Variants in DOK6 observed in about 807,000 individuals in gnomAD.
DOK6 encodes the protein docking protein 6.
Under a neutral mutation model 44.0 loss-of-function variants are expected in DOK6, and 22 were observed. That is an observed-to-expected ratio of 0.50 (90% CI 0.36 to 0.71). DOK6 has a LOEUF of 0.71. Ranked by LOEUF, DOK6 falls within the 30% of genes least tolerant of loss-of-function variation. DOK6 has a pLI of 0.00. For synonymous variants in DOK6, 166 were observed against 145.5 expected, an observed-to-expected ratio of 1.14 and a Z score of -1.01; for missense variants, 340 against 416.4, an observed-to-expected ratio of 0.82 and a Z score of 1.60.
At chr18:69,566,076 T>A (rs953665849) in intron 2 of DOK6, among the ~76,000 whole-genome samples, 1 of 152,202 alleles carries the variant, frequency 6.6e-6, no homozygotes, top group Non-Finnish European at 1.5e-5. Context: ...GTTAGTGACA[T>A]ATACTAGTTG....
intron 4 of DOK6, among the ~76,000 whole-genome samples, chr18:69,679,466 T>C (rs1477983825): frequency 1.1e-4 from 16 of 152,212 alleles, no homozygotes; most frequent in Admixed American, 1.0e-3. Flanking sequence ...TAGCTCTTTA[T>C]CTAGCTTCTG....
At chr18:69,773,617 T>C (rs1044154502) in intron 7 of DOK6, among the ~76,000 whole-genome samples, 10 of 152,008 alleles carry the variant, frequency 6.6e-5, no homozygotes, top group Non-Finnish European at 1.3e-4. Flanking sequence ...ATTCAATTTA[T>C]GTGGAGTATA....
At chr18:69,443,927 T>G (rs2122445979) in intron 1 of DOK6, among the ~76,000 whole-genome samples, 1 of 133,574 alleles carries the variant, frequency 7.5e-6, no homozygotes, top group Admixed American at 8.2e-5. Flanking sequence ...ATGCTTGTAC[T>G]TACCACATTC....
intron 7 of DOK6, among the ~76,000 whole-genome samples, chr18:69,837,099 G>T (rs1305875811): frequency 6.6e-6 from 1 of 152,190 alleles, no homozygotes; most frequent in Admixed American, 6.5e-5. Flanking sequence ...TGCTGACCTT[G>T]AGGGGGAGAA....
At chr18:69,684,798 T>G (rs1302192317) in intron 4 of DOK6, among the ~76,000 whole-genome samples, 1 of 152,084 alleles carries the variant, frequency 6.6e-6, no homozygotes, top group Non-Finnish European at 1.5e-5. Context: ...CCAGAGAGAT[T>G]TAAGAAAGTA....
chr18:69,744,338 T>C (rs936634573), intron 6 of DOK6, among the ~76,000 whole-genome samples: 1 of 150,938 alleles, frequency 6.6e-6, no homozygotes, highest in East Asian at 2.0e-4. Flanking sequence ...TAACTGCAAA[T>C]ACAGTTATTA....
At chr18:69,672,046 A>G (rs1985810561) in intron 3 of DOK6, among the ~76,000 whole-genome samples, 1 of 152,226 alleles carries the variant, frequency 6.6e-6, no homozygotes, top group African/African-American at 2.4e-5. Context: ...TGTTATGGAA[A>G]TGTAGAGGAA....
chr18:69,470,495 T>G (rs1383193576), intron 1 of DOK6, among the ~76,000 whole-genome samples: 7 of 152,152 alleles, frequency 4.6e-5, no homozygotes, highest in South Asian at 2.1e-4. Flanking sequence ...CGCACCTGTT[T>G]AGAGCTGAGG....
intron 1 of DOK6, among the ~76,000 whole-genome samples, chr18:69,431,498 AT>A (rs1207198483): frequency 6.6e-6 from 1 of 152,210 alleles, no homozygotes; most frequent in East Asian, 1.9e-4. Flanking sequence ...AACAGTATTC[AT>A]TCATAAAAGA....
chr18:69,432,087 T>C (rs924541480), intron 1 of DOK6, among the ~76,000 whole-genome samples: 1 of 152,314 alleles, frequency 6.6e-6, no homozygotes, highest in Middle Eastern at 3.4e-3. Context: ...TAAACATCGA[T>C]ATTTCACAAT....
At chr18:69,557,424 C>T (rs1982715175) in intron 1 of DOK6, among the ~76,000 whole-genome samples, 1 of 152,198 alleles carries the variant, frequency 6.6e-6, no homozygotes, top group African/African-American at 2.4e-5. Context: ...ACCTACTTCA[C>T]AGTGAGTCTT....
chr18:69,765,622 T>C (rs934537269), intron 7 of DOK6, among the ~76,000 whole-genome samples: 4 of 152,214 alleles, frequency 2.6e-5, no homozygotes, highest in Non-Finnish European at 5.9e-5. Flanking sequence ...TTCCACTGGA[T>C]TATGAGGCAG....
intron 7 of DOK6, among the ~76,000 whole-genome samples, chr18:69,769,643 T>A (rs567451791): frequency 3.7e-4 from 56 of 152,288 alleles, no homozygotes; most frequent in Middle Eastern, 3.4e-3. Context: ...TAATCAGTTT[T>A]ACTGTTTGAG....
chr18:69,517,538 T>TTGTA (rs1338014153), intron 1 of DOK6, among the ~76,000 whole-genome samples: 5 of 152,166 alleles, frequency 3.3e-5, no homozygotes, highest in South Asian at 4.1e-4. Flanking sequence ...GAATCATTTC[T>TTGTA]TGTATGTATG....
chr18:69,561,842 A>T (rs1473126427), intron 1 of DOK6, among the ~76,000 whole-genome samples: 3 of 152,172 alleles, frequency 2.0e-5, no homozygotes, highest in Non-Finnish European at 2.9e-5. Context: ...ATGCCTTTTA[A>T]CATGGAAAAG....
chr18:69,676,928 A>G (rs989720658), intron 3 of DOK6, among the ~76,000 whole-genome samples: 4 of 152,218 alleles, frequency 2.6e-5, no homozygotes, highest in African/African-American at 9.7e-5. Context: ...TGTTTTAAGC[A>G]AGAGGAAAAT....
intron 1 of DOK6, among the ~76,000 whole-genome samples, chr18:69,507,776 C>A (rs1486463149): frequency 6.6e-6 from 1 of 152,062 alleles, no homozygotes; most frequent in Non-Finnish European, 1.5e-5. Context: ...CATGCATGTT[C>A]TTTGGAATTT....
chr18:69,643,103 A>G (rs895454775), intron 3 of DOK6, among the ~76,000 whole-genome samples: 6 of 152,168 alleles, frequency 3.9e-5, no homozygotes, highest in Admixed American at 1.3e-4. Flanking sequence ...GTAATAAACC[A>G]TTACTATTCT....
At chr18:69,417,204 A>G (rs1044369642) in intron 1 of DOK6, among the ~76,000 whole-genome samples, 1 of 152,090 alleles carries the variant, frequency 6.6e-6, no homozygotes, top group Non-Finnish European at 1.5e-5. Context: ...TTTTGTGCCC[A>G]TTAACCAACC....
Sources: gnomAD v4.1 joint callset for allele counts (sites outside exome capture counted in the v4.1 genomes callset) on GRCh38, gnomAD v4.1.1 for gene constraint, MANE v1.5 for transcripts, NCBI Gene and HGNC (gene_info 2026-07-23, HGNC 2026-07-21) for gene names.